Variants in CARMIL1 observed in about 807,000 individuals in gnomAD.
CARMIL1 encodes F-actin-uncapping protein LRRC16A.
In CARMIL1, 90 loss-of-function variants were observed where a neutral mutation model predicts 177.1. The observed-to-expected ratio is 0.51, with a 90% CI of 0.43 to 0.61. CARMIL1 has a LOEUF of 0.61. Among genes scored for constraint, CARMIL1 ranks in the 20% least tolerant of loss-of-function variants. The probability of loss-of-function intolerance (pLI) is 0.00; values close to 1 mark genes in which losing one functional copy is unlikely to be tolerated. For synonymous variants in CARMIL1, 577 were observed against 606.2 expected (o/e 0.95, Z 0.71); for missense variants, 1,380 against 1,667.0 (o/e 0.83, Z 3.00).
intron 23 of CARMIL1, among the ~76,000 whole-genome samples, chr6:25,527,095 G>A (rs1283071337): frequency 6.6e-6 from 1 of 152,162 alleles, no homozygotes; most frequent in East Asian, 1.9e-4. Context: ...GACCAGAGAT[G>A]TCTGACTAGC....
At position 25,556,661 on chromosome 6, in the gene CARMIL1, TG is replaced by T. The variant is rs770540079; in HGVS notation, c.2593-39del. ...GAATCCTGCTAACCAGCACTTTCTC[TG>T]TACTTTAATTTCTCCTCGTACACGT... On this transcript the variant is annotated intron_variant, in intron 28 of 36. Transcript: ENST00000329474. 3.2e-6 allele frequency: 5 copies of T among 1,581,280 alleles called. No individual in the cohort carries two copies. The East Asian group carries it at 1.1e-4, about 36-fold the overall frequency.
At chr6:25,602,618 A>G (rs1815539329) in intron 33 of CARMIL1, among the ~76,000 whole-genome samples, 1 of 152,218 alleles carries the variant, frequency 6.6e-6, no homozygotes, top group Non-Finnish European at 1.5e-5. Context: ...AATTCTTGCT[A>G]TTTAAAATTC....
chr6:25,562,380 T>G (rs1356834084), intron 29 of CARMIL1, among the ~76,000 whole-genome samples: 1 of 152,100 alleles, frequency 6.6e-6, no homozygotes, highest in African/African-American at 2.4e-5. Context: ...CCTGAGTAGC[T>G]GGGATTACAG....
At chr6:25,462,748 G>GT (rs937207006) in intron 8 of CARMIL1, among the ~76,000 whole-genome samples, 1 of 152,086 alleles carries the variant, frequency 6.6e-6, no homozygotes, top group African/African-American at 2.4e-5. Context: ...TTGTTTGTTT[G>GT]TTTTTTAACA....
rs1246594215 is a variant in CARMIL1, at chr6:25,495,537, T to G, written c.1325+322T>G. Among the ~76,000 whole-genome samples, 20 of 90,382 alleles carry G rather than the reference T, an allele frequency of 2.2e-4. No individual in the cohort carries two copies. The East Asian group carries it at 6.7e-3, about 30-fold the overall frequency. The allele number at this position is 90,382 out of a possible 152,430, so 59.3% of individuals were successfully genotyped here. ...TTCCATTTCAGGCATATTCGTTTGTTCGTGTGTGTGTGTGTGTGTGTGTGT... is the reference window on the plus strand; with the variant it reads ...TTCCATTTCAGGCATATTCGTTTGTGCGTGTGTGTGTGTGTGTGTGTGTGT... On this transcript the variant is annotated intron_variant, in intron 16 of 36. Coordinates refer to ENST00000329474, the MANE Select transcript of CARMIL1 (RefSeq NM_017640.6).
chr6:25,382,201 G>A (rs1791618651), intron 2 of CARMIL1, among the ~76,000 whole-genome samples: 1 of 152,098 alleles, frequency 6.6e-6, no homozygotes, highest in African/African-American at 2.4e-5. Context: ...TGGTTAAAGC[G>A]ATTCTCATGC....
chr6:25,364,053 CTCCTCA>C (rs1420655512), intron 2 of CARMIL1, among the ~76,000 whole-genome samples: 1 of 151,816 alleles, frequency 6.6e-6, no homozygotes, highest in Non-Finnish European at 1.5e-5. Context: ...GCGATCCTCC[CTCCTCA>C]GCCTCCCATG....
intron 2 of CARMIL1, among the ~76,000 whole-genome samples, chr6:25,290,157 A>G: frequency 6.6e-6 from 1 of 152,104 alleles, no homozygotes; most frequent in East Asian, 1.9e-4. Flanking sequence ...GCACAGTGAC[A>G]TGAACACAGC....
intron 2 of CARMIL1, among the ~76,000 whole-genome samples, chr6:25,299,467 C>T (rs182418192): frequency 1.6e-4 from 25 of 152,144 alleles, no homozygotes; most frequent in Admixed American, 1.4e-3. Flanking sequence ...TCACAGCACC[C>T]GGCCCATGCT....
intron 11 of CARMIL1, among the ~76,000 whole-genome samples, chr6:25,477,286 T>A (rs1056322924): frequency 6.6e-6 from 1 of 152,112 alleles, no homozygotes; most frequent in African/African-American, 2.4e-5. Flanking sequence ...AGCAAATCTC[T>A]GTTATTTTCA....
At chr6:25,576,117 T>A (rs1337913950) in intron 29 of CARMIL1, among the ~76,000 whole-genome samples, 6 of 152,170 alleles carry the variant, frequency 3.9e-5, no homozygotes, top group African/African-American at 1.2e-4. Flanking sequence ...AATGAATTTT[T>A]AAATTCATCA....
At chr6:25,562,764 A>G (rs1439557882) in intron 29 of CARMIL1, among the ~76,000 whole-genome samples, 2 of 152,184 alleles carry the variant, frequency 1.3e-5, no homozygotes, top group Non-Finnish European at 2.9e-5. Flanking sequence ...GATGGGGCAT[A>G]CTAAATAAAT....
At chr6:25,516,269 G>A (rs1805985893) in intron 21 of CARMIL1, among the ~76,000 whole-genome samples, 1 of 149,430 alleles carries the variant, frequency 6.7e-6, no homozygotes, top group African/African-American at 2.5e-5. Context: ...AAAAACAAGG[G>A]GTACAAAAGG....
rs145587858 is a variant in CARMIL1 at position 25,410,532 on chromosome 6, C to T, written c.139-9582C>T. On this transcript the variant is annotated intron_variant, in intron 2 of 36. Transcript: ENST00000329474. ...TCCCTGGAGCCAGTGCTCGTTGTCACTAGGCCATAGCTGCCACTTGTCTCA... is the reference window on the plus strand; with the variant it reads ...TCCCTGGAGCCAGTGCTCGTTGTCATTAGGCCATAGCTGCCACTTGTCTCA... 2.8e-3 allele frequency among the ~76,000 whole-genome samples: 430 copies of T among 152,316 alleles called. 1 individual carries two copies. The highest frequency in any genetic ancestry group is 9.4e-3 in the African/African-American group (392 of 41,566).
rs375574499 is a variant in CARMIL1 at position 25,304,491 on chromosome 6, G to A, written c.138+19582G>A. On this transcript the variant is annotated intron_variant, in intron 2 of 36. Transcript: ENST00000329474. ...TTCCACCTCAGATCATCAGGCATTAGATTCTCATAAGGAGTGTGCAGCCTG... is the reference window on the plus strand; with the variant it reads ...TTCCACCTCAGATCATCAGGCATTAAATTCTCATAAGGAGTGTGCAGCCTG... Among the ~76,000 whole-genome samples the A allele has an allele frequency of 3.0e-4, 46 of 152,310 alleles. No individual in the cohort carries two copies. In the East Asian group the frequency reaches 8.3e-3, roughly 27 times the overall value.
chr6:25,400,978 A>G (rs1202489012), intron 2 of CARMIL1, among the ~76,000 whole-genome samples: 1 of 146,104 alleles, frequency 6.8e-6, no homozygotes, highest in African/African-American at 2.6e-5. Context: ...GCAAAAGAAT[A>G]TATTTTTATT....
At chr6:25,437,242 C>A (rs577892897) in intron 5 of CARMIL1, among the ~76,000 whole-genome samples, 1 of 152,210 alleles carries the variant, frequency 6.6e-6, no homozygotes, top group East Asian at 1.9e-4. Flanking sequence ...CACCGCCTTA[C>A]TTGGCAAGAG....
At chr6:25,585,942 ACTT>A (rs1402232820) in intron 31 of CARMIL1, among the ~76,000 whole-genome samples, 1 of 152,194 alleles carries the variant, frequency 6.6e-6, no homozygotes, top group African/African-American at 2.4e-5. Context: ...TCCTATGTCT[ACTT>A]CTTTCTACAC....
intron 2 of CARMIL1, among the ~76,000 whole-genome samples, chr6:25,356,691 C>T (rs1562028963): frequency 1.3e-5 from 2 of 152,326 alleles, no homozygotes; most frequent in East Asian, 3.9e-4. Context: ...AAGTTCTTAT[C>T]TTGGGGAGCT....
Sources: allele counts gnomAD v4.1 joint callset (sites outside exome capture counted in the v4.1 genomes callset), GRCh38; gene constraint gnomAD v4.1.1; transcripts MANE v1.5; gene names NCBI Gene and HGNC (gene_info 2026-07-23, HGNC 2026-07-21).